HLTF: variants seen among roughly 807,000 people sequenced by gnomAD.
HLTF encodes the protein DNA-dependent ATPase/E3 ubiquitin-protein ligase HLTF.
HLTF carries 127 observed loss-of-function variants against 129.4 expected under a neutral mutation model. That is an observed-to-expected ratio of 0.98 (90% CI 0.85 to 1.14). The LOEUF (loss-of-function observed/expected upper bound fraction) is 1.14, where lower values mean the gene tolerates loss of function less well. Among genes scored for constraint, HLTF ranks in the 50% most tolerant of loss-of-function variants. HLTF has a pLI of 0.00. For missense variants in HLTF, 1,139 were observed against 1,187.1 expected, an observed-to-expected ratio of 0.96 and a Z score of 0.60; for synonymous variants, 332 against 388.8, an observed-to-expected ratio of 0.85 and a Z score of 1.72.
intron 14 of HLTF, chr3:149,051,949 T>G (rs1274853624): frequency 6.6e-6 from 1 of 151,622 alleles, no homozygotes; most frequent in East Asian, 1.9e-4. Context: ...AGGTCAGGAG[T>G]TCGAGACCAG....
chr3:149,086,305 C>T lies in HLTF; in HGVS notation c.20+12G>A, dbSNP rs1201503424. ...GTTAGACCGAGCGCCCCACCCCCTC[C>T]GCCCCCTTCACCTCTTGAACATCCA... On this transcript the variant is annotated intron_variant, in intron 1 of 24. Coordinates refer to ENST00000310053, the MANE Select transcript of HLTF (RefSeq NM_003071.4). 1 of 1,602,910 alleles carries T rather than the reference C, an allele frequency of 6.2e-7. No homozygotes were observed. The highest frequency in any genetic ancestry group is 8.5e-7 in the Non-Finnish European group (1 of 1,174,542).
chr3:149,032,523 G>T, intron 24 of HLTF, 151 bp from the exon 25 acceptor site: 1 of 493,264 alleles, frequency 2.0e-6, no homozygotes, highest in East Asian at 3.4e-5. Context: ...ACTGAACTTT[G>T]CTTTCCTTAC....
At chr3:149,039,459 AAT>A (rs1279613066) in intron 22 of HLTF, 120 bp downstream of exon 22, 8 of 617,634 alleles carry the variant, frequency 1.3e-5, no homozygotes, top group Non-Finnish European at 2.2e-5. Context: ...TGTGACTCTG[AAT>A]ATCTTTCAGA....
chr3:149,078,936 G>C (rs116028561), intron 2 of HLTF, among the ~76,000 whole-genome samples: 4 of 151,740 alleles, frequency 2.6e-5, no homozygotes, highest in African/African-American at 9.7e-5. Flanking sequence ...AAAGCATGGA[G>C]ACGATGTCTC....
intron 1 of HLTF, 54 bp downstream of exon 1, chr3:149,086,263 G>T: frequency 6.4e-7 from 1 of 1,563,682 alleles, no homozygotes; most frequent in Non-Finnish European, 8.7e-7. Flanking sequence ...AGGTTCATTT[G>T]GGGACGCCTC....
chr3:149,085,457 C>T (rs1428676194), intron 1 of HLTF, among the ~76,000 whole-genome samples: 1 of 152,012 alleles, frequency 6.6e-6, no homozygotes, highest in Admixed American at 6.6e-5. Context: ...CCACTGCACT[C>T]CAGCCTGGAC....
At chr3:149,038,004 G>A (rs1243142838) in intron 23 of HLTF, among the ~76,000 whole-genome samples, 3 of 152,076 alleles carry the variant, frequency 2.0e-5, no homozygotes, top group African/African-American at 7.2e-5. Context: ...CACTATATTA[G>A]GCATTAAAAC....
At chr3:149,035,291 T>C (rs1576568958) in intron 23 of HLTF, among the ~76,000 whole-genome samples, 2 of 152,110 alleles carry the variant, frequency 1.3e-5, no homozygotes, top group Non-Finnish European at 2.9e-5. Flanking sequence ...TTTTTCATTT[T>C]TAAAAGAATC....
chr3:149,071,388 G>A lies in HLTF; in HGVS notation c.758C>T (p.Ser253Leu). Residue 253 changes from serine to leucine, a missense_variant, in exon 7 of 25, where the codon TCA becomes TTA. Coordinates refer to ENST00000310053, the MANE Select transcript of HLTF (RefSeq NM_003071.4). The part of the protein sequence containing the change: ...HQKQALAWMV[S>L]RENSKELPPF... ...TGGAAGTTCTTTGCTATTTTCCCGT[G>A]ACACCATCCAAGCTAGAGCTTGTTT... 6.2e-7 allele frequency: 1 copy of A among 1,613,810 alleles called. No individual in the cohort carries two copies. Among genetic ancestry groups the A allele is most frequent in the Non-Finnish European group, 8.5e-7 (1 of 1,179,796 alleles).
intron 20 of HLTF, among the ~76,000 whole-genome samples, chr3:149,040,633 G>A (rs538624655): frequency 5.9e-5 from 9 of 151,964 alleles, no homozygotes; most frequent in South Asian, 2.1e-4. Context: ...TGTTGTACCC[G>A]TTTGAACCTG....
chr3:149,048,276 C>T, intron 16 of HLTF, 113 bp from the exon 17 acceptor site: 2 of 610,738 alleles, frequency 3.3e-6, no homozygotes. Context: ...GTACCAGGCT[C>T]ATCATTATCA....
At chr3:149,082,152 A>C (rs1473945208) in intron 2 of HLTF, among the ~76,000 whole-genome samples, 1 of 152,208 alleles carries the variant, frequency 6.6e-6, no homozygotes, top group African/African-American at 2.4e-5. Flanking sequence ...GGCAAAACTT[A>C]TTTATAGTGA....
Position 149,046,218 on chromosome 3 carries a change from G to C in HLTF, c.1934C>G (p.Thr645Arg). 6.3e-7 allele frequency: 1 copy of C among 1,597,802 alleles called. No homozygotes were observed. The highest frequency in any genetic ancestry group is 8.6e-7 in the Non-Finnish European group (1 of 1,167,454). ...SLIKNITLRR[T>R]KTSKIKGKPV... ...TTTTCCTTTAATTTTGCTTGTCTTT[G>C]TTCTTCTAAGTGTAATATTTTTAAT... is the stretch of plus-strand genomic sequence containing the variant. Residue 645 changes from threonine to arginine, a missense_variant, in exon 18 of 25, where the codon ACA becomes AGA. Thr to Arg is a moderately conservative substitution (Grantham distance 71, BLOSUM62 -1). Transcript: ENST00000310053.
intron 18 of HLTF, among the ~76,000 whole-genome samples, chr3:149,044,854 A>G (rs1716410488): frequency 6.6e-6 from 1 of 151,710 alleles, no homozygotes; most frequent in Non-Finnish European, 1.5e-5. Context: ...ATCATTTCTC[A>G]CTCCCTTTAT....
At chr3:149,075,434 T>A (rs1044633792) in intron 3 of HLTF, among the ~76,000 whole-genome samples, 1 of 152,096 alleles carries the variant, frequency 6.6e-6, no homozygotes, top group African/African-American at 2.4e-5. Flanking sequence ...CTGTAGCTAC[T>A]CAGGAGGCTA....
chr3:149,043,580 C>T (rs1716307516), intron 18 of HLTF, among the ~76,000 whole-genome samples: 1 of 150,488 alleles, frequency 6.6e-6, no homozygotes, highest in Admixed American at 6.6e-5. Context: ...CCAGGCTTCC[C>T]CACAGAAACA....
rs1187876347 is a variant in HLTF, at chr3:149,040,043, T to C, written c.2490A>G (p.Thr830=). 1.2e-6 allele frequency: 2 copies of C among 1,610,652 alleles called. No individual in the cohort carries two copies. The highest frequency in any genetic ancestry group is 1.1e-5 in the South Asian group (1 of 90,524). Residue 830 remains threonine (T), a synonymous_variant, in exon 21 of 25, where the codon ACA becomes ACG. Transcript: ENST00000310053. ...ATGAGTACTTTACCTTTGAACTGGATGTCCATTCCATATCAGACTTTTTCT... is the reference window on the plus strand; with the variant it reads ...ATGAGTACTTTACCTTTGAACTGGACGTCCATTCCATATCAGACTTTTTCT... ...DSEKKSDMEW[T]SSSKINALMH... is the part of the protein sequence containing the mutation.
chr3:149,031,783 T>C lies in HLTF; in HGVS notation c.*437A>G, dbSNP rs1715075036. On this transcript the variant is annotated 3_prime_UTR_variant, in exon 25 of 25. Coordinates refer to ENST00000310053, the MANE Select transcript of HLTF (RefSeq NM_003071.4). ...AAAATTAATTCTTGTATAGTCTGTA[T>C]ATATTGTTTACAAGGACTACAAACA... The C allele has an allele frequency of 6.6e-6, 1 of 152,548 alleles. No individual in the cohort carries two copies. Among genetic ancestry groups the C allele is most frequent in the East Asian group, 1.9e-4 (1 of 5,216 alleles). 9.4% of individuals were successfully genotyped at this position (152,548 alleles called of 1,614,324 possible). A position where few individuals can be genotyped will look rare whatever the true frequency, so the allele number is the denominator to read the frequency against.
intron 2 of HLTF, among the ~76,000 whole-genome samples, chr3:149,077,507 T>C (rs1719479371): frequency 6.6e-6 from 1 of 151,980 alleles, no homozygotes; most frequent in Admixed American, 6.6e-5. Flanking sequence ...AAAACAATTT[T>C]ACAGGAAAGT....
Sources: allele counts gnomAD v4.1 joint callset (sites outside exome capture counted in the v4.1 genomes callset), GRCh38; gene constraint gnomAD v4.1.1; transcripts MANE v1.5; gene names NCBI Gene and HGNC (gene_info 2026-07-23, HGNC 2026-07-21).